Variants in KIF13A observed in about 807,000 individuals in gnomAD.
KIF13A encodes kinesin family member 13A.
KIF13A carries 79 observed loss-of-function variants against 212.2 expected under a neutral mutation model. The observed-to-expected ratio is 0.37, with a 90% CI of 0.31 to 0.45. KIF13A has a LOEUF of 0.45. Among genes scored for constraint, KIF13A ranks in the 20% least tolerant of loss-of-function variants. The probability of loss-of-function intolerance (pLI) is 1.00; values close to 1 mark genes in which losing one functional copy is unlikely to be tolerated. For synonymous variants in KIF13A, 789 were observed against 808.6 expected, an observed-to-expected ratio of 0.98 and a Z score of 0.41; for missense variants, 1,901 against 2,209.0, an observed-to-expected ratio of 0.86 and a Z score of 2.79.
chr6:17,932,024 A>T (rs1776028187), intron 2 of KIF13A, among the ~76,000 whole-genome samples: 1 of 152,154 alleles, frequency 6.6e-6, no homozygotes, highest in Non-Finnish European at 1.5e-5. Flanking sequence ...TGGAAAAGCA[A>T]ATGCTTGAGC....
In KIF13A at chr6:17,839,095, T is replaced by C. The variant is rs1235050110; in HGVS notation, c.831-1512A>G. ...CTGGCATCCCAAAGTGCTGGGATTA[T>C]AGGCGTGAGCCACTGCGCCCAGCCA... On this transcript the variant is annotated intron_variant, in intron 9 of 38. Coordinates refer to ENST00000259711, the MANE Select transcript of KIF13A (RefSeq NM_022113.6). This position sits in a 1 kb window ranked among gnomAD's most constrained non-coding sequence, Gnocchi z 4.3. Among the ~76,000 whole-genome samples, 5 of 152,268 alleles carry C rather than the reference T, an allele frequency of 3.3e-5. No individual in the cohort carries two copies. Among genetic ancestry groups the C allele is most frequent in the Admixed American group, 3.3e-4 (5 of 15,298 alleles).
At chr6:17,958,315 T>C (rs1341219619) in intron 2 of KIF13A, among the ~76,000 whole-genome samples, 2 of 152,234 alleles carry the variant, frequency 1.3e-5, no homozygotes, top group African/African-American at 2.4e-5. Context: ...CTAAAAAATA[T>C]TCTCTGGCTG....
intron 2 of KIF13A, among the ~76,000 whole-genome samples, chr6:17,960,790 T>C (rs1056279079): frequency 2.0e-5 from 3 of 152,210 alleles, no homozygotes; most frequent in African/African-American, 7.2e-5. Context: ...CATATAGTAG[T>C]GCAGGAGAAA....
chr6:17,856,200 T>C lies in KIF13A; in HGVS notation c.221-78A>G, dbSNP rs1768119170. 2 of 995,846 alleles carry C rather than the reference T, an allele frequency of 2.0e-6. No individual in the cohort carries two copies. The highest frequency in any genetic ancestry group is 1.6e-5 in the African/African-American group (1 of 61,012). 61.7% of individuals were successfully genotyped at this position (995,846 alleles called of 1,614,324 possible). ...CATATTTGTGTTAGTAACAATATTA[T>C]GTCAATTCAAAAAAATGTTAAAAGT... On this transcript the variant is annotated intron_variant, in intron 4 of 38. Coordinates refer to ENST00000259711, the MANE Select transcript of KIF13A (RefSeq NM_022113.6). This position sits in a 1 kb window ranked among gnomAD's most constrained non-coding sequence, Gnocchi z 4.5.
chr6:17,887,702 T>G (rs1458948981), intron 3 of KIF13A, among the ~76,000 whole-genome samples: 4 of 152,252 alleles, frequency 2.6e-5, no homozygotes, highest in Middle Eastern at 3.4e-3. Context: ...ACATCTTGAT[T>G]CTTTTTTTGA....
At chr6:17,792,132 G>A (rs1761625553) in intron 25 of KIF13A, among the ~76,000 whole-genome samples, 1 of 142,894 alleles carries the variant, frequency 7.0e-6, no homozygotes, top group African/African-American at 2.6e-5. Context: ...GAACCCAGGA[G>A]GCAGAGGTTA....
rs1291170687 is a variant in KIF13A at position 17,764,588 on chromosome 6, G to A, written c.4940C>T (p.Ser1647Phe). The A allele has an allele frequency of 6.8e-6, 11 of 1,613,790 alleles. No individual in the cohort carries two copies. Among genetic ancestry groups the A allele is most frequent in the East Asian group, 2.2e-5 (1 of 44,882 alleles). Residue 1647 changes from serine to phenylalanine, a missense_variant, in exon 39 of 39, where the codon TCC (serine) becomes TTC (phenylalanine). Ser to Phe is a radical substitution (Grantham distance 155). Around this residue, in one of 5 missense-constraint regions of KIF13A, gnomAD observed 687 missense variants for 759.1 expected, o/e 0.90. Transcript: ENST00000259711. The surrounding 1 kb of genome is among the most constrained non-coding windows in gnomAD (Gnocchi z 5.1). The part of the protein sequence containing the change: ...TPSLVHDFRP[S>F]SNKELTEVEK... ...GACTTCTGTCAACTCTTTGTTTGAG[G>A]ACGGCCTGAAATCATGCACAAGCGA...
chr6:17,762,069 T>C (rs1581832548), downstream of KIF13A, among the ~76,000 whole-genome samples: 1 of 152,240 alleles, frequency 6.6e-6, no homozygotes, highest in Admixed American at 6.5e-5. Context: ...AAAATTTTAA[T>C]TTTTAAAATT....
At chr6:17,940,886 C>T (rs564166063) in intron 2 of KIF13A, among the ~76,000 whole-genome samples, 26 of 146,204 alleles carry the variant, frequency 1.8e-4, no homozygotes, top group Non-Finnish European at 2.7e-4. Context: ...AGTGCAATGG[C>T]GCAATCTCGG....
chr6:17,975,187 T>G (rs572916907), intron 2 of KIF13A, among the ~76,000 whole-genome samples: 1 of 151,590 alleles, frequency 6.6e-6, no homozygotes, highest in East Asian at 1.9e-4. Context: ...CTACTAAAAA[T>G]AAAAAAATAA....
At chr6:17,841,921 A>G (rs1185955603) in intron 9 of KIF13A, among the ~76,000 whole-genome samples, 2 of 151,576 alleles carry the variant, frequency 1.3e-5, no homozygotes, top group African/African-American at 4.8e-5. Context: ...TCACAGGCTT[A>G]TATGTCTGTG....
intron 2 of KIF13A, among the ~76,000 whole-genome samples, chr6:17,938,872 G>T (rs916546928): frequency 6.7e-6 from 1 of 149,948 alleles, no homozygotes; most frequent in Admixed American, 6.7e-5. Context: ...TGTTATATAA[G>T]GAATGCACTA....
At chr6:17,859,620 T>TTATATATATATA (rs1355192834) in intron 4 of KIF13A, among the ~76,000 whole-genome samples, 1 of 131,558 alleles carries the variant, frequency 7.6e-6, no homozygotes, top group African/African-American at 2.9e-5. Context: ...GCAATGTATT[T>TTATATATATATA]TATATATATA....
intron 17 of KIF13A, 64 bp from the exon 18 acceptor site, chr6:17,808,994 G>C: frequency 6.4e-6 from 9 of 1,401,800 alleles, no homozygotes; most frequent in Non-Finnish European, 8.6e-6. Flanking sequence ...GTTTCTAAGT[G>C]AGCATCTTAT....
chr6:17,823,994 G>A (rs141376264), intron 16 of KIF13A, among the ~76,000 whole-genome samples: 2,897 of 143,084 alleles, frequency 0.02, 94 homozygotes, highest in African/African-American at 0.07. Context: ...CTCAACCTCT[G>A]CCTCCTGGGT....
intron 20 of KIF13A, among the ~76,000 whole-genome samples, chr6:17,801,621 C>T (rs190039628): frequency 5.6e-4 from 85 of 152,302 alleles, no homozygotes; most frequent in African/African-American, 1.9e-3. Context: ...TCCACTAACA[C>T]ATATTTACCA....
chr6:17,841,079 CT>C (rs760337717), intron 9 of KIF13A, among the ~76,000 whole-genome samples: 118 of 137,460 alleles, frequency 8.6e-4, no homozygotes, highest in South Asian at 4.9e-3. Flanking sequence ...ACCCCTTTTC[CT>C]TTTTTTTTTT....
At chr6:17,930,346 T>G (rs866571323) in intron 2 of KIF13A, among the ~76,000 whole-genome samples, 11 of 152,346 alleles carry the variant, frequency 7.2e-5, no homozygotes, top group Admixed American at 2.6e-4. Flanking sequence ...GCCTAATTCC[T>G]TAGCTTCCTA....
At position 17,834,804 on chromosome 6, in the gene KIF13A, G is replaced by A. The variant is rs1018328727; in HGVS notation, c.1156-733C>T. Among the ~76,000 whole-genome samples the A allele has an allele frequency of 3.3e-5, 5 of 152,144 alleles. No individual in the cohort carries two copies. Among genetic ancestry groups the A allele is most frequent in the African/African-American group, 1.2e-4 (5 of 41,420 alleles). On this transcript the variant is annotated intron_variant, in intron 11 of 38. Coordinates refer to ENST00000259711, the MANE Select transcript of KIF13A (RefSeq NM_022113.6). This position sits in a 1 kb window ranked among gnomAD's most constrained non-coding sequence, Gnocchi z 4.0. ...TGGCAGAGCTTGGACAAGAAGCTGG[G>A]ATGTGATGATCTGGAAGCTAGCTGA...
Sources: gnomAD v4.1 joint callset for allele counts (sites outside exome capture counted in the v4.1 genomes callset) on GRCh38, gnomAD v4.1.1 for gene constraint, gnomAD v4.1.1 regional missense constraint, Gnocchi (gnomAD v3.1) non-coding constraint, MANE v1.5 for transcripts, NCBI Gene and HGNC (gene_info 2026-07-23, HGNC 2026-07-21) for gene names.